The following TAF4B variants were observed in gnomAD, a reference collection of about 807,000 sequenced individuals.
TAF4B encodes transcription initiation factor TFIID subunit 4B.
In TAF4B, 38 loss-of-function variants were observed where a neutral mutation model predicts 86.4. That is an observed-to-expected ratio of 0.44 (90% CI 0.34 to 0.58). TAF4B has a LOEUF of 0.58. Among genes scored for constraint, TAF4B ranks in the 20% least tolerant of loss-of-function variants. TAF4B has a pLI of 0.02. For synonymous variants in TAF4B, 388 were observed against 391.2 expected, an observed-to-expected ratio of 0.99 and a Z score of 0.10; for missense variants, 988 against 1,027.6, an observed-to-expected ratio of 0.96 and a Z score of 0.53.
At chr18:26,305,005 C>G in intron 9 of TAF4B, 3 of 569,194 alleles carry the variant, frequency 5.3e-6, no homozygotes, top group Non-Finnish European at 6.7e-6. Flanking sequence ...TATTTTTCTC[C>G]TAGTTTTTTG....
intron 11 of TAF4B, 24 bp downstream of exon 11, chr18:26,321,224 A>G (rs2056959821): frequency 6.2e-7 from 1 of 1,612,896 alleles, no homozygotes; most frequent in Non-Finnish European, 8.5e-7. Flanking sequence ...TTAAAGAAGT[A>G]TAAACTCTCG....
At chr18:26,332,249 T>C (rs1357705443) in intron 12 of TAF4B, among the ~76,000 whole-genome samples, 20 of 152,190 alleles carry the variant, frequency 1.3e-4, no homozygotes, top group Non-Finnish European at 1.5e-5. Context: ...CTGATCAACT[T>C]TACCTGCAAA....
At chr18:26,360,746 A>G (rs1225566361) in intron 14 of TAF4B, among the ~76,000 whole-genome samples, 2 of 152,132 alleles carry the variant, frequency 1.3e-5, no homozygotes, top group Non-Finnish European at 2.9e-5. Context: ...TTTAAATGCT[A>G]CCTTTATCAC....
In TAF4B at chr18:26,307,572, GATA is replaced by G. The variant is rs550436165; in HGVS notation, c.1833-7653_1833-7651del. Reference sequence around the variant, plus strand: ...AGAGATACATAATAAAATATTTATGGATAATATCTATATACTATATCTGGTAGT... The same window carrying G: ...AGAGATACATAATAAAATATTTATGGATATCTATATACTATATCTGGTAGT... On this transcript the variant is annotated intron_variant, in intron 9 of 14. Transcript: ENST00000269142. 5.1e-3 allele frequency among the ~76,000 whole-genome samples: 779 copies of G among 152,098 alleles called. 1 individual carries two copies. The highest frequency in any genetic ancestry group is 7.5e-3 in the Non-Finnish European group (510 of 67,996).
At position 26,303,243 on chromosome 18, in the gene TAF4B, A is replaced by C. The variant is rs538154514; in HGVS notation, c.1832+9712A>C. ...CCACTTTCATACTCCCTCCACTTTC[A>C]TACTCCCTCCACTTTCATCCTCCCT... is the stretch of plus-strand genomic sequence containing the variant. On this transcript the variant is annotated intron_variant, in intron 9 of 14. Coordinates refer to ENST00000269142, the MANE Select transcript of TAF4B (RefSeq NM_005640.3). Among the ~76,000 whole-genome samples the C allele has an allele frequency of 2.3e-4, 25 of 109,074 alleles. 2 individuals are homozygous for C. The highest frequency in any genetic ancestry group is 8.0e-4 in the Admixed American group (8 of 9,946). 71.6% of individuals were successfully genotyped at this position (109,074 alleles called of 152,430 possible).
chr18:26,257,252 C>CTG (rs2144515593), intron 1 of TAF4B, among the ~76,000 whole-genome samples: 1 of 152,212 alleles, frequency 6.6e-6, no homozygotes, highest in East Asian at 1.9e-4. Flanking sequence ...ATTTTAGGCT[C>CTG]TGTGTGTGAG....
At chr18:26,243,387 G>A (rs997255591) in intron 1 of TAF4B, among the ~76,000 whole-genome samples, 6 of 152,040 alleles carry the variant, frequency 3.9e-5, no homozygotes, top group African/African-American at 1.4e-4. Context: ...GGCTACTGAA[G>A]CTTGTGCATC....
At chr18:26,244,902 C>T (rs2055899118) in intron 1 of TAF4B, among the ~76,000 whole-genome samples, 1 of 152,190 alleles carries the variant, frequency 6.6e-6, no homozygotes, top group African/African-American at 2.4e-5. Context: ...GGCGACATAA[C>T]TTTGAGAGTT....
intron 13 of TAF4B, among the ~76,000 whole-genome samples, chr18:26,346,797 A>G (rs796343207): frequency 0.3 from 6,400 of 21,056 alleles, 1,692 homozygotes; most frequent in East Asian, 0.43. Context: ...ATATATATAT[A>G]TGTGTATATA....
At chr18:26,326,344 A>G (rs966844031) in intron 11 of TAF4B, among the ~76,000 whole-genome samples, 8 of 152,216 alleles carry the variant, frequency 5.3e-5, no homozygotes, top group Admixed American at 1.3e-4. Context: ...AAGACAGTTT[A>G]TACTTCTGTT....
chr18:26,316,643 C>A (rs1333680967), intron 10 of TAF4B, among the ~76,000 whole-genome samples: 1 of 152,138 alleles, frequency 6.6e-6, no homozygotes, highest in East Asian at 1.9e-4. Flanking sequence ...CACCCGCCTC[C>A]CAAAGTGCTG....
intron 14 of TAF4B, among the ~76,000 whole-genome samples, chr18:26,358,436 C>T (rs924226772): frequency 4.6e-5 from 7 of 152,146 alleles, no homozygotes; most frequent in Non-Finnish European, 8.8e-5. Context: ...TAGGGCCGGG[C>T]GAGGTGGCTC....
In TAF4B at chr18:26,383,660, A is replaced by G. The variant is rs897982880; in HGVS notation, c.2422-6185A>G. On this transcript the variant is annotated intron_variant, in intron 14 of 14. Transcript: ENST00000269142. Reference sequence around the variant, plus strand: ...AGTATATTATCTCTATAGCTCTCATAATTACAGAGCTAGAATTGTAACTTG... The same window carrying G: ...AGTATATTATCTCTATAGCTCTCATGATTACAGAGCTAGAATTGTAACTTG... Among the ~76,000 whole-genome samples, 3 of 152,196 alleles carry G rather than the reference A, an allele frequency of 2.0e-5. No individual in the cohort carries two copies. The East Asian group carries it at 5.8e-4, about 29-fold the overall frequency.
intron 1 of TAF4B, among the ~76,000 whole-genome samples, chr18:26,260,884 T>A (rs866422342): frequency 2.6e-5 from 4 of 152,222 alleles, no homozygotes; most frequent in Non-Finnish European, 5.9e-5. Flanking sequence ...TAATTGTTAC[T>A]CTGACATTTA....
chr18:26,231,714 T>C (rs1188560937), intron 1 of TAF4B, among the ~76,000 whole-genome samples: 2 of 152,056 alleles, frequency 1.3e-5, no homozygotes, highest in African/African-American at 4.8e-5. Flanking sequence ...TTTGTGGTCT[T>C]GCTGACTTCA....
At chr18:26,363,803 A>C (rs2057349192) in intron 14 of TAF4B, among the ~76,000 whole-genome samples, 1 of 152,144 alleles carries the variant, frequency 6.6e-6, no homozygotes, top group South Asian at 2.1e-4. Flanking sequence ...GTTTGAGTTA[A>C]ATTTTTTAGA....
intron 1 of TAF4B, among the ~76,000 whole-genome samples, chr18:26,231,715 G>A (rs2055673239): frequency 6.6e-6 from 1 of 152,072 alleles, no homozygotes; most frequent in African/African-American, 2.4e-5. Flanking sequence ...TTGTGGTCTT[G>A]CTGACTTCAA....
At chr18:26,388,614 A>G (rs1409109364) in intron 14 of TAF4B, among the ~76,000 whole-genome samples, 1 of 152,194 alleles carries the variant, frequency 6.6e-6, no homozygotes, top group Non-Finnish European at 1.5e-5. Flanking sequence ...TTAAAAGATG[A>G]GTAGATTGGC....
chr18:26,365,862 T>C (rs2057368040), intron 14 of TAF4B, among the ~76,000 whole-genome samples: 1 of 152,144 alleles, frequency 6.6e-6, no homozygotes, highest in Admixed American at 6.5e-5. Flanking sequence ...CGATCTCAGC[T>C]CACTGCAACC....
Sources: gnomAD v4.1 joint callset for allele counts (sites outside exome capture counted in the v4.1 genomes callset) on GRCh38, gnomAD v4.1.1 for gene constraint, MANE v1.5 for transcripts, NCBI Gene and HGNC (gene_info 2026-07-23, HGNC 2026-07-21) for gene names.